The following CRTC3 variants were observed in gnomAD, a reference collection of about 807,000 sequenced individuals.
The protein encoded by CRTC3 is CREB-regulated transcription coactivator 3.
Under a neutral mutation model 74.5 loss-of-function variants are expected in CRTC3, and 26 were observed. That is an observed-to-expected ratio of 0.35 (90% confidence interval 0.26 to 0.48). The LOEUF is 0.48. Among genes scored for constraint, CRTC3 ranks in the 20% least tolerant of loss-of-function variants. The pLI is 0.99. For missense variants in CRTC3, 760 were observed against 787.3 expected, an observed-to-expected ratio of 0.97 and a Z score of 0.41; for synonymous variants, 377 against 325.8, an observed-to-expected ratio of 1.16 and a Z score of -1.69.
At chr15:90,532,914 G>A (rs188950264) in intron 1 of CRTC3, among the ~76,000 whole-genome samples, 31 of 150,934 alleles carry the variant, frequency 2.1e-4, no homozygotes, top group Non-Finnish European at 3.4e-4. Flanking sequence ...GCGAAACCCC[G>A]TTTCTACTAA....
chr15:90,619,812 C>T (rs763785720), intron 9 of CRTC3, 22 bp downstream of exon 9: 21 of 1,604,782 alleles, frequency 1.3e-5, no homozygotes, highest in African/African-American at 2.7e-5. Context: ...TCTTTCTGTT[C>T]GTGTTTCAGG....
At chr15:90,578,962 G>T (rs547987384) in intron 2 of CRTC3, among the ~76,000 whole-genome samples, 184 of 152,260 alleles carry the variant, frequency 1.2e-3, no homozygotes, top group African/African-American at 4.2e-3. Flanking sequence ...CTGTGTGCCT[G>T]TGAGGTGTGG....
intron 6 of CRTC3, 156 bp from the exon 7 acceptor site, chr15:90,614,297 T>A (rs1190328832): frequency 7.0e-6 from 4 of 567,892 alleles, no homozygotes; most frequent in Admixed American, 6.6e-5. Context: ...TTAGTATAAA[T>A]GATAAAGCAC....
chr15:90,611,598 A>G (rs982435517), intron 6 of CRTC3, among the ~76,000 whole-genome samples: 1 of 152,084 alleles, frequency 6.6e-6, no homozygotes, highest in Non-Finnish European at 1.5e-5. Context: ...CCTTCTGGTC[A>G]CCGCAGCCCA....
chr15:90,532,220 T>C (rs1283604872), intron 1 of CRTC3, among the ~76,000 whole-genome samples: 1 of 152,224 alleles, frequency 6.6e-6, no homozygotes, highest in African/African-American at 2.4e-5. Context: ...CATCTGTAAA[T>C]GATAACACTG....
intron 1 of CRTC3, among the ~76,000 whole-genome samples, chr15:90,536,612 A>T (rs554485763): frequency 6.6e-6 from 1 of 152,174 alleles, no homozygotes; most frequent in Non-Finnish European, 1.5e-5. Context: ...CGTGTTGGCT[A>T]TTGTGAGACT....
rs1967940625 is a variant in CRTC3, at chr15:90,596,917, G to A, written c.351+3162G>A. Among the ~76,000 whole-genome samples the A allele has an allele frequency of 2.6e-5, 4 of 152,212 alleles. No individual in the cohort carries two copies. The South Asian group carries it at 8.3e-4, about 31-fold the overall frequency. On this transcript the variant is annotated intron_variant, in intron 3 of 14. Transcript: ENST00000268184. ...ATTTAAGACACACTGGCTTAGACAA[G>A]GGTTTTAAGGGTTCACTCCTATGAT...
At chr15:90,534,678 T>C (rs1966688249) in intron 1 of CRTC3, among the ~76,000 whole-genome samples, 1 of 152,208 alleles carries the variant, frequency 6.6e-6, no homozygotes, top group Admixed American at 6.5e-5. Flanking sequence ...TCACCCGACA[T>C]TTCTGGACGG....
intron 2 of CRTC3, among the ~76,000 whole-genome samples, chr15:90,563,327 A>T (rs1458327875): frequency 6.6e-6 from 1 of 152,120 alleles, no homozygotes; most frequent in Non-Finnish European, 1.5e-5. Flanking sequence ...AGTCACTTGA[A>T]CCGAGGAGGC....
chr15:90,593,567 T>G, intron 2 of CRTC3, 69 bp from the exon 3 acceptor site: 2 of 1,560,332 alleles, frequency 1.3e-6, no homozygotes, highest in East Asian at 4.6e-5. Flanking sequence ...CCTGTTGTTA[T>G]CAGTTGTTCT....
At chr15:90,619,576 A>T (rs1355297791) in intron 8 of CRTC3, among the ~76,000 whole-genome samples, 165 bp from the exon 9 acceptor site, 1 of 152,252 alleles carries the variant, frequency 6.6e-6, no homozygotes, top group Non-Finnish European at 1.5e-5. Context: ...GTTTGAGTTT[A>T]AAAAAGTCAT....
chr15:90,543,681 A>T (rs1197259527), intron 2 of CRTC3, among the ~76,000 whole-genome samples: 1 of 152,170 alleles, frequency 6.6e-6, no homozygotes, highest in Non-Finnish European at 1.5e-5. Context: ...ATTCTTGAAA[A>T]ACTGAGGAGA....
At chr15:90,622,479 G>A (rs575757755) in intron 9 of CRTC3, among the ~76,000 whole-genome samples, 69 of 152,276 alleles carry the variant, frequency 4.5e-4, no homozygotes, top group African/African-American at 1.6e-3. Flanking sequence ...GTCACGTTGA[G>A]GGCTCTGAGG....
chr15:90,553,217 A>G (rs899897492), intron 2 of CRTC3, among the ~76,000 whole-genome samples: 4 of 152,086 alleles, frequency 2.6e-5, no homozygotes, highest in South Asian at 2.1e-4. Flanking sequence ...AAGAGTTCGT[A>G]CCTCCTGAAC....
chr15:90,541,641 G>A (rs1318212710), intron 2 of CRTC3, among the ~76,000 whole-genome samples: 1 of 152,064 alleles, frequency 6.6e-6, no homozygotes, highest in Non-Finnish European at 1.5e-5. Context: ...ATACAGCATT[G>A]TGCAAGTTTG....
In CRTC3 at chr15:90,643,214, G is replaced by A. The variant is rs561165876; in HGVS notation, c.*1074G>A. On this transcript the variant is annotated 3_prime_UTR_variant, in exon 15 of 15. Transcript: ENST00000268184. ...AGTGCTGCAGAACCGTGCGTGCAGCGCATGATGAATGAGTGCGTCCGCCAT... is the reference window on the plus strand; with the variant it reads ...AGTGCTGCAGAACCGTGCGTGCAGCACATGATGAATGAGTGCGTCCGCCAT... 9.5e-5 allele frequency: 22 copies of A among 232,618 alleles called. No individual in the cohort carries two copies. The highest frequency in any genetic ancestry group is 3.3e-4 in the African/African-American group (15 of 45,432). The allele number at this position is 232,618 out of a possible 1,614,324, so 14.4% of individuals were successfully genotyped here. A position where few individuals can be genotyped will look rare whatever the true frequency, so the allele number is the denominator to read the frequency against.
At chr15:90,623,795 A>G (rs1968732751) in intron 9 of CRTC3, among the ~76,000 whole-genome samples, 1 of 151,932 alleles carries the variant, frequency 6.6e-6, no homozygotes, top group African/African-American at 2.4e-5. Flanking sequence ...CTGCTTTTCC[A>G]CTTCCATCTC....
At chr15:90,535,334 C>T (rs1966701527) in intron 1 of CRTC3, among the ~76,000 whole-genome samples, 1 of 152,058 alleles carries the variant, frequency 6.6e-6, no homozygotes, top group African/African-American at 2.4e-5. Flanking sequence ...GGAGGGAATG[C>T]CGACCAGCTG....
chr15:90,639,642 G>T (rs1416244534), intron 13 of CRTC3, among the ~76,000 whole-genome samples: 1 of 151,154 alleles, frequency 6.6e-6, no homozygotes, highest in African/African-American at 2.4e-5. Context: ...TAGAGATGGG[G>T]TTTCACTTTG....
Sources: allele counts gnomAD v4.1 joint callset (sites outside exome capture counted in the v4.1 genomes callset), GRCh38; gene constraint gnomAD v4.1.1; transcripts MANE v1.5; gene names NCBI Gene and HGNC (gene_info 2026-07-23, HGNC 2026-07-21).